CPNE4: variants seen among roughly 807,000 people sequenced by gnomAD.
CPNE4 encodes the protein copine-4.
In CPNE4, 25 loss-of-function variants were observed where a neutral mutation model predicts 67.9. That is an observed-to-expected ratio of 0.37 (90% confidence interval 0.27 to 0.51). The LOEUF (loss-of-function observed/expected upper bound fraction) is 0.51, where lower values mean the gene tolerates loss of function less well. Ranked by LOEUF, CPNE4 falls within the 20% of genes least tolerant of loss-of-function variation. CPNE4 has a pLI of 0.93. For missense variants in CPNE4, 464 were observed against 690.8 expected, an observed-to-expected ratio of 0.67 and a Z score of 3.68; for synonymous variants, 242 against 244.9, an observed-to-expected ratio of 0.99 and a Z score of 0.11.
chr3:131,874,011 T>G (rs2087329402), intron 2 of CPNE4, among the ~76,000 whole-genome samples: 1 of 152,246 alleles, frequency 6.6e-6, no homozygotes, highest in Admixed American at 6.5e-5. Flanking sequence ...ATGTGCCATT[T>G]GAACATTTCA....
chr3:131,666,981 T>C (rs184940244), intron 7 of CPNE4, among the ~76,000 whole-genome samples: 24 of 152,306 alleles, frequency 1.6e-4, no homozygotes, highest in Admixed American at 9.2e-4. Flanking sequence ...TAAGGAAGTA[T>C]AGTTAGCATT....
chr3:131,955,089 GT>G (rs78932780), intron 1 of CPNE4, among the ~76,000 whole-genome samples: 30 of 148,558 alleles, frequency 2.0e-4, no homozygotes, highest in Non-Finnish European at 3.7e-4. Flanking sequence ...TAAGTTCTGT[GT>G]TTTTTTTTTC....
chr3:131,929,196 CAAAAA>C (rs57462900), intron 1 of CPNE4, among the ~76,000 whole-genome samples: 22,679 of 99,336 alleles, frequency 0.23, 2,220 homozygotes, highest in Admixed American at 0.37. Flanking sequence ...TTGTCCTCAC[CAAAAA>C]AAAAAAAAAA....
At chr3:131,664,591 AG>A (rs1457577180) in intron 7 of CPNE4, among the ~76,000 whole-genome samples, 1 of 152,154 alleles carries the variant, frequency 6.6e-6, no homozygotes, top group Non-Finnish European at 1.5e-5. Flanking sequence ...GTCAAGAAAT[AG>A]GCTTATCAGG....
Position 132,005,346 on chromosome 3 carries a change from C to CATATATATATATAT in CPNE4, c.-2+29220_-2+29221insATATATATATATAT, listed in dbSNP as rs2073568687. On this transcript the variant is annotated intron_variant, in intron 1 of 15. Transcript: ENST00000429747. ...ATATATATATATATATATATATACA[C>CATATATATATATAT]ACACACACACACACACACACACACA... 2.1e-4 allele frequency among the ~76,000 whole-genome samples: 3 copies of CATATATATATATAT among 14,326 alleles called. 1 individual carries two copies. The highest frequency in any genetic ancestry group is 6.1e-4 in the Non-Finnish European group (3 of 4,922). 9.4% of individuals were successfully genotyped at this position (14,326 alleles called of 152,430 possible).
intron 4 of CPNE4, among the ~76,000 whole-genome samples, chr3:131,698,492 A>G (rs796135598): frequency 7.2e-5 from 11 of 152,142 alleles, no homozygotes; most frequent in African/African-American, 2.6e-4. Context: ...ATGGCAGTCA[A>G]GAAAAAGCTT....
chr3:131,940,665 T>G (rs373109077), intron 1 of CPNE4, among the ~76,000 whole-genome samples: 2 of 152,106 alleles, frequency 1.3e-5, no homozygotes, highest in Admixed American at 1.3e-4. Flanking sequence ...AGATTTGATT[T>G]TCTTATGAGG....
chr3:131,853,245 A>C (rs1583328641), intron 2 of CPNE4, among the ~76,000 whole-genome samples: 1 of 151,914 alleles, frequency 6.6e-6, no homozygotes, highest in South Asian at 2.1e-4. Context: ...AAAAGGATGG[A>C]GTTTAGAAAT....
rs541674873 is a variant in CPNE4 at position 131,820,235 on chromosome 3, G to C, written c.180+85029C>G. Among the ~76,000 whole-genome samples, 5 of 152,344 alleles carry C rather than the reference G, an allele frequency of 3.3e-5. No homozygotes were observed. The East Asian group carries it at 9.6e-4, about 29-fold the overall frequency. On this transcript the variant is annotated intron_variant, in intron 2 of 15. Coordinates refer to ENST00000429747, the MANE Select transcript of CPNE4 (RefSeq NM_130808.3). ...TCGGACTAACATCTGTGGGAGGAAAGGGAAACAAGCAAGGTTGGGCAGTAG... is the reference window on the plus strand; with the variant it reads ...TCGGACTAACATCTGTGGGAGGAAACGGAAACAAGCAAGGTTGGGCAGTAG...
intron 2 of CPNE4, among the ~76,000 whole-genome samples, chr3:131,751,479 A>G (rs2082622358): frequency 6.6e-6 from 1 of 151,946 alleles, no homozygotes; most frequent in Non-Finnish European, 1.5e-5. Context: ...CTTTATTTCT[A>G]AAATTTAAAT....
chr3:131,870,548 A>G (rs1313296983), intron 2 of CPNE4, among the ~76,000 whole-genome samples: 1 of 152,120 alleles, frequency 6.6e-6, no homozygotes, highest in East Asian at 1.9e-4. Context: ...AAAGTCCAAT[A>G]AACTCTGCAT....
chr3:131,971,843 C>A (rs926518434), intron 1 of CPNE4, among the ~76,000 whole-genome samples: 1 of 152,168 alleles, frequency 6.6e-6, no homozygotes, highest in Non-Finnish European at 1.5e-5. Flanking sequence ...GGCAGGCATG[C>A]CCCTCTAGAA....
chr3:131,865,091 G>A (rs1413659233), intron 2 of CPNE4, among the ~76,000 whole-genome samples: 1 of 152,128 alleles, frequency 6.6e-6, no homozygotes, highest in Non-Finnish European at 1.5e-5. Flanking sequence ...TCGATGTGCT[G>A]CTGGATTTGG....
chr3:131,798,232 A>C (rs1474845138), intron 2 of CPNE4, among the ~76,000 whole-genome samples: 1 of 152,170 alleles, frequency 6.6e-6, no homozygotes, highest in Non-Finnish European at 1.5e-5. Context: ...ATTATGGGAC[A>C]TAGGACCTCA....
chr3:131,871,592 G>A (rs2087209447), intron 2 of CPNE4, among the ~76,000 whole-genome samples: 1 of 152,170 alleles, frequency 6.6e-6, no homozygotes, highest in Non-Finnish European at 1.5e-5. Flanking sequence ...GCAGGAAGTA[G>A]GAGAACAGTG....
chr3:131,927,543 G>C (rs2070931521), intron 1 of CPNE4, among the ~76,000 whole-genome samples: 1 of 152,090 alleles, frequency 6.6e-6, no homozygotes, highest in Non-Finnish European at 1.5e-5. Context: ...GCTCTTGGAG[G>C]TCAAGGGTAT....
intron 15 of CPNE4, among the ~76,000 whole-genome samples, chr3:131,539,576 T>C (rs1935361489): frequency 6.6e-6 from 1 of 152,232 alleles, no homozygotes; most frequent in Non-Finnish European, 1.5e-5. Flanking sequence ...GTGACTAGCA[T>C]GTGCCTTGCA....
intron 15 of CPNE4, among the ~76,000 whole-genome samples, chr3:131,541,680 C>CT (rs940744469): frequency 6.7e-6 from 1 of 149,044 alleles, no homozygotes; most frequent in African/African-American, 2.5e-5. Context: ...TATTTATTTA[C>CT]TTTTTTTGAA....
rs182121723 is a variant in CPNE4 at position 131,874,995 on chromosome 3, A to T, written c.180+30269T>A. ...GCCTTGACTAAGGAGATTTGATAAC[A>T]TGATACCCTTTAATTGTCACAATAA... is the stretch of plus-strand genomic sequence containing the variant. On this transcript the variant is annotated intron_variant, in intron 2 of 15. Coordinates refer to ENST00000429747, the MANE Select transcript of CPNE4 (RefSeq NM_130808.3). Among the ~76,000 whole-genome samples the T allele has an allele frequency of 1.8e-4, 28 of 152,340 alleles. No homozygotes were observed. In the Middle Eastern group the frequency reaches 0.01, roughly 56 times the overall value.
Sources: gnomAD v4.1 joint callset for allele counts (sites outside exome capture counted in the v4.1 genomes callset) on GRCh38, gnomAD v4.1.1 for gene constraint, MANE v1.5 for transcripts, NCBI Gene and HGNC (gene_info 2026-07-23, HGNC 2026-07-21) for gene names.